The following TANC1 variants were observed in gnomAD, a reference collection of about 807,000 sequenced individuals.
TANC1 encodes the protein protein TANC1.
In TANC1, 77 loss-of-function variants were observed where a neutral mutation model predicts 149.7. The ratio of observed to expected loss-of-function variants is 0.51; its 90% CI spans 0.43 to 0.62. The LOEUF is 0.62. Ranked by LOEUF, TANC1 falls within the 20% of genes least tolerant of loss-of-function variation. The probability of loss-of-function intolerance (pLI) is 0.00; values close to 1 mark genes in which losing one functional copy is unlikely to be tolerated. For synonymous variants in TANC1, 854 were observed against 925.0 expected (o/e 0.92, Z 1.39); for missense variants, 1,985 against 2,321.8 (o/e 0.85, Z 2.98).
At chr2:159,175,282 G>A in intron 12 of TANC1, 98 bp downstream of exon 12, 1 of 920,350 alleles carries the variant, frequency 1.1e-6, no homozygotes, top group Non-Finnish European at 1.7e-6. Context: ...TGGGGTAGAA[G>A]TGAGGTGGAG....
intron 1 of TANC1, among the ~76,000 whole-genome samples, chr2:158,999,111 C>A (rs572738559): frequency 1.5e-4 from 23 of 152,260 alleles, no homozygotes; most frequent in Middle Eastern, 3.4e-3. Flanking sequence ...GGGACAAGCA[C>A]AAATATCTTG....
At chr2:159,002,324 C>G (rs1214437927) in intron 2 of TANC1, among the ~76,000 whole-genome samples, 1 of 151,950 alleles carries the variant, frequency 6.6e-6, no homozygotes, top group East Asian at 1.9e-4. Context: ...GCAAGCTGAT[C>G]GTGAATTTAG....
rs890593930 is a variant in TANC1 at position 159,230,701 on chromosome 2, G to A, written c.5275G>A (p.Ala1759Thr). 3 of 1,614,202 alleles carry A rather than the reference G, an allele frequency of 1.9e-6. No individual in the cohort carries two copies. The highest frequency in any genetic ancestry group is 2.5e-6 in the Non-Finnish European group (3 of 1,180,040). Residue 1759 changes from alanine (A) to threonine (T), a missense_variant, in exon 27 of 27, where the codon GCA (alanine) becomes ACA (threonine). Ala to Thr is a moderately conservative substitution (Grantham distance 58). Around this residue, in one of 3 missense-constraint regions of TANC1, gnomAD observed 920 missense variants for 994.7 expected, o/e 0.92. Transcript: ENST00000263635. The surrounding 1 kb of genome is among the most constrained non-coding windows in gnomAD (Gnocchi z 4.4). The part of the protein sequence containing the change: ...PEGLLTNTSS[A>T]AGLQSANTEK... ...GGGGCTGCTGACAAACACGTCTTCT[G>A]CAGCTGGCCTGCAGTCTGCTAACAC... is the stretch of plus-strand genomic sequence containing the variant.
At chr2:159,221,956 A>G (rs746424223) in intron 22 of TANC1, among the ~76,000 whole-genome samples, 9 of 152,328 alleles carry the variant, frequency 5.9e-5, no homozygotes, top group African/African-American at 1.7e-4. Flanking sequence ...CAATAATTCA[A>G]TACATCTAAT....
Position 158,992,669 on chromosome 2 carries a change from ATTTTTTTT to A in TANC1, c.-125-8394_-125-8387del, listed in dbSNP as rs70994251. On this transcript the variant is annotated intron_variant, in intron 1 of 26. Transcript: ENST00000263635. ...AGGCGCCCACCACCATGCCCAGCTA[ATTTTTTTT>A]TTTTTTTTTTTTTTTTGTATTTTTA... Among the ~76,000 whole-genome samples, 328 of 112,526 alleles carry A rather than the reference ATTTTTTTT, an allele frequency of 2.9e-3. 5 individuals carry two copies. Among genetic ancestry groups the A allele is most frequent in the African/African-American group, 6.8e-3 (197 of 28,954 alleles). The allele number at this position is 112,526 out of a possible 152,430, so 73.8% of individuals were successfully genotyped here. A position where few individuals can be genotyped will look rare whatever the true frequency, so the allele number is the denominator to read the frequency against.
rs1371837650 is a variant in TANC1 at position 159,176,510 on chromosome 2, A to C, written c.1894A>C (p.Asn632His). 1 of 1,589,024 alleles carries C rather than the reference A, an allele frequency of 6.3e-7. No individual in the cohort carries two copies. Among genetic ancestry groups the C allele is most frequent in the East Asian group, 2.3e-5 (1 of 44,302 alleles). Residue 632 changes from asparagine to histidine, a missense_variant, in exon 13 of 27, where the codon AAT becomes CAT. Coordinates refer to ENST00000263635, the MANE Select transcript of TANC1 (RefSeq NM_033394.3). ...WLKLIVTVRA[N>H]FQEIISALPF... ...GAAGTTGATTGTGACTGTAAGAGCA[A>C]ATTTTCAGGTAACAAAGAATTCTCA...
intron 1 of TANC1, among the ~76,000 whole-genome samples, chr2:158,980,480 ATAT>A (rs2034171326): frequency 6.6e-6 from 1 of 152,148 alleles, no homozygotes; most frequent in Non-Finnish European, 1.5e-5. Flanking sequence ...TAATTTAAAA[ATAT>A]TATCTAATTT....
chr2:159,008,056 A>G (rs2037394464), intron 2 of TANC1, among the ~76,000 whole-genome samples: 1 of 152,224 alleles, frequency 6.6e-6, no homozygotes, highest in Non-Finnish European at 1.5e-5. Flanking sequence ...GTTAAACTGG[A>G]TCAATTGAAA....
intron 18 of TANC1, 99 bp from the exon 19 acceptor site, chr2:159,198,875 TA>T: frequency 1.3e-6 from 1 of 797,270 alleles, no homozygotes; most frequent in East Asian, 2.5e-5. Context: ...CAGTGTGAGA[TA>T]ATGGTTAAAA....
intron 7 of TANC1, among the ~76,000 whole-genome samples, chr2:159,157,428 A>T (rs56399866): frequency 0.012 from 1,882 of 152,280 alleles, 23 homozygotes; most frequent in Non-Finnish European, 0.019. Flanking sequence ...TCCCTTACAC[A>T]CTTGGGAAAA....
intron 14 of TANC1, 93 bp from the exon 15 acceptor site, chr2:159,185,698 A>G: frequency 1.3e-6 from 1 of 796,960 alleles, no homozygotes; most frequent in Non-Finnish European, 2.1e-6. Flanking sequence ...GGCATAAATC[A>G]GTGACTAAGG....
intron 11 of TANC1, 80 bp downstream of exon 11, chr2:159,172,352 G>A (rs2150487185): frequency 1.4e-6 from 2 of 1,400,530 alleles, no homozygotes; most frequent in Non-Finnish European, 2.0e-6. Context: ...TTGGAAAAGG[G>A]AGCTTAAAAC....
intron 2 of TANC1, among the ~76,000 whole-genome samples, chr2:159,032,323 C>T (rs2039848485): frequency 6.6e-6 from 1 of 152,182 alleles, no homozygotes; most frequent in African/African-American, 2.4e-5. Context: ...CACACAGAGA[C>T]AGCACATTGC....
At chr2:159,135,698 A>G (rs1045941972) in intron 4 of TANC1, among the ~76,000 whole-genome samples, 1 of 152,242 alleles carries the variant, frequency 6.6e-6, no homozygotes. Flanking sequence ...GCTGGTGCGC[A>G]GACTGTGTTG....
intron 14 of TANC1, 36 bp downstream of exon 14, chr2:159,179,199 A>G: frequency 6.3e-7 from 1 of 1,576,404 alleles, no homozygotes; most frequent in Non-Finnish European, 8.6e-7. Flanking sequence ...CTTTGCAGGG[A>G]ATCTCGTGTG....
chr2:159,098,879 G>A (rs1574650097), intron 4 of TANC1, among the ~76,000 whole-genome samples: 1 of 151,800 alleles, frequency 6.6e-6, no homozygotes, highest in South Asian at 2.1e-4. Flanking sequence ...CGGATAATTT[G>A]GGGCCCAGTT....
intron 3 of TANC1, among the ~76,000 whole-genome samples, chr2:159,096,510 G>C (rs756071744): frequency 7.2e-5 from 11 of 152,306 alleles, no homozygotes; most frequent in Admixed American, 1.3e-4. Flanking sequence ...CAGAAAGGGT[G>C]CTCATCACAG....
chr2:159,028,464 A>G (rs1380627458), intron 2 of TANC1, among the ~76,000 whole-genome samples: 1 of 152,156 alleles, frequency 6.6e-6, no homozygotes, highest in Non-Finnish European at 1.5e-5. Flanking sequence ...GACAAAATGA[A>G]ACAGTAGAAA....
intron 2 of TANC1, among the ~76,000 whole-genome samples, chr2:159,049,105 A>G (rs975505349): frequency 6.6e-6 from 1 of 152,118 alleles, no homozygotes; most frequent in Non-Finnish European, 1.5e-5. Flanking sequence ...CTCTTCCATC[A>G]TATTTGGTTT....
Sources: gnomAD v4.1 joint callset for allele counts (sites outside exome capture counted in the v4.1 genomes callset) on GRCh38, gnomAD v4.1.1 for gene constraint, gnomAD v4.1.1 regional missense constraint, Gnocchi (gnomAD v3.1) non-coding constraint, MANE v1.5 for transcripts, NCBI Gene and HGNC (gene_info 2026-07-23, HGNC 2026-07-21) for gene names.